ADGRL2: variants seen among roughly 807,000 people sequenced by gnomAD.
The protein encoded by ADGRL2 is adhesion G protein-coupled receptor L2, also known as calcium-independent alpha-latrotoxin receptor 2.
ADGRL2 carries 44 observed loss-of-function variants against 157.4 expected under a neutral mutation model. That is an observed-to-expected ratio of 0.28 (90% CI 0.22 to 0.36). ADGRL2 has a LOEUF of 0.36. Ranked by LOEUF, ADGRL2 falls within the 10% of genes least tolerant of loss-of-function variation. The pLI is 1.00. For synonymous variants in ADGRL2, 585 were observed against 624.7 expected, an observed-to-expected ratio of 0.94 and a Z score of 0.95; for missense variants, 1,510 against 1,768.9, an observed-to-expected ratio of 0.85 and a Z score of 2.63.
At chr1:81,338,049 G>A (rs567341425) in intron 1 of ADGRL2, among the ~76,000 whole-genome samples, 1 of 152,060 alleles carries the variant, frequency 6.6e-6, no homozygotes, top group Non-Finnish European at 1.5e-5. Flanking sequence ...AGCTAAAAGT[G>A]GTATTGACTT....
intron 3 of ADGRL2, among the ~76,000 whole-genome samples, chr1:81,928,826 C>T (rs1024291313): frequency 3.3e-5 from 5 of 151,612 alleles, no homozygotes; most frequent in Non-Finnish European, 7.4e-5. Flanking sequence ...TACATGATAC[C>T]TTGGTACCTT....
chr1:81,542,230 A>T (rs1186589943), intron 2 of ADGRL2, among the ~76,000 whole-genome samples: 1 of 152,204 alleles, frequency 6.6e-6, no homozygotes, highest in Non-Finnish European at 1.5e-5. Context: ...GTGGATGGTA[A>T]CGTGTATATC....
chr1:81,988,882 C>T (rs1434598408), intron 23 of ADGRL2, among the ~76,000 whole-genome samples: 1 of 151,980 alleles, frequency 6.6e-6, no homozygotes, highest in Non-Finnish European at 1.5e-5. Flanking sequence ...TTTTCCTAAA[C>T]TCCTCCAAGC....
chr1:81,514,983 C>T (rs563226433), intron 2 of ADGRL2: 1 of 152,258 alleles, frequency 6.6e-6, no homozygotes, highest in Non-Finnish European at 1.5e-5. Flanking sequence ...GGTATTCCTC[C>T]GTGATTTAAA....
chr1:81,906,319 A>G (rs1241923879), intron 2 of ADGRL2, among the ~76,000 whole-genome samples: 1 of 152,186 alleles, frequency 6.6e-6, no homozygotes, highest in Non-Finnish European at 1.5e-5. Context: ...AAATCATACC[A>G]GTATGTCACC....
intron 1 of ADGRL2, among the ~76,000 whole-genome samples, chr1:81,351,462 A>G (rs2100835922): frequency 6.6e-6 from 1 of 152,280 alleles, no homozygotes; most frequent in South Asian, 2.1e-4. Flanking sequence ...ATGTATTATG[A>G]CAAGGATGAT....
intron 9 of ADGRL2, 55 bp from the exon 10 acceptor site, chr1:81,952,932 C>T: frequency 3.6e-6 from 5 of 1,379,030 alleles, no homozygotes; most frequent in Non-Finnish European, 5.2e-6. Context: ...CTTCTTTCCT[C>T]ATTTTCAGCA....
intron 1 of ADGRL2, among the ~76,000 whole-genome samples, chr1:81,728,118 A>G (rs76480091): frequency 0.016 from 2,407 of 152,120 alleles, 66 homozygotes; most frequent in African/African-American, 0.055. Flanking sequence ...TTTTCTTTTC[A>G]GTTTTGTAGA....
At chr1:81,412,260 C>T (rs538834284) in intron 1 of ADGRL2, among the ~76,000 whole-genome samples, 1 of 152,280 alleles carries the variant, frequency 6.6e-6, no homozygotes, top group Non-Finnish European at 1.5e-5. Flanking sequence ...AACCACCAAG[C>T]TTTATTGCCT....
intron 1 of ADGRL2, among the ~76,000 whole-genome samples, chr1:81,309,696 T>C (rs985402584): frequency 6.6e-6 from 1 of 152,208 alleles, no homozygotes; most frequent in Non-Finnish European, 1.5e-5. Context: ...GAATGGTTAC[T>C]CTTACAGAAC....
chr1:81,362,945 A>G (rs1286183376), intron 1 of ADGRL2, among the ~76,000 whole-genome samples: 1 of 151,988 alleles, frequency 6.6e-6, no homozygotes, highest in Non-Finnish European at 1.5e-5. Context: ...CCTATGGGAC[A>G]TTCTAGCACT....
intron 1 of ADGRL2, among the ~76,000 whole-genome samples, chr1:81,316,335 T>G (rs1203093006): frequency 6.6e-6 from 1 of 152,184 alleles, no homozygotes; most frequent in African/African-American, 2.4e-5. Flanking sequence ...ATAAATGGTT[T>G]GGTGAACAAA....
chr1:81,635,161 C>T (rs1234954816), intron 3 of ADGRL2, among the ~76,000 whole-genome samples: 2 of 152,128 alleles, frequency 1.3e-5, no homozygotes, highest in African/African-American at 4.8e-5. Context: ...GGAAATGAGC[C>T]TCCGTCATCC....
chr1:81,867,999 A>G (rs2093591271), intron 2 of ADGRL2, among the ~76,000 whole-genome samples: 1 of 151,752 alleles, frequency 6.6e-6, no homozygotes, highest in African/African-American at 2.4e-5. Flanking sequence ...GGCACAAATA[A>G]TTATGCCATT....
intron 1 of ADGRL2, among the ~76,000 whole-genome samples, chr1:81,745,884 T>C (rs1434360415): frequency 6.6e-6 from 1 of 152,170 alleles, no homozygotes; most frequent in African/African-American, 2.4e-5. Flanking sequence ...ACTCTTGTGA[T>C]TTTGTCTATC....
At chr1:81,752,168 C>T (rs541903550) in intron 1 of ADGRL2, among the ~76,000 whole-genome samples, 14 of 152,252 alleles carry the variant, frequency 9.2e-5, no homozygotes, top group Admixed American at 7.8e-4. Flanking sequence ...GATCCCACGC[C>T]CCTTCCACCA....
At chr1:81,977,208 C>T (rs1660418105) in intron 17 of ADGRL2, among the ~76,000 whole-genome samples, 1 of 151,782 alleles carries the variant, frequency 6.6e-6, no homozygotes, top group Non-Finnish European at 1.5e-5. Context: ...AGGATTGTAG[C>T]TGTATTTTTC....
chr1:81,578,101 A>G (rs2080831971), intron 2 of ADGRL2, among the ~76,000 whole-genome samples: 1 of 152,212 alleles, frequency 6.6e-6, no homozygotes, highest in Admixed American at 6.5e-5. Flanking sequence ...TTGAAATTGC[A>G]CAGTGACTTA....
intron 15 of ADGRL2, 115 bp from the exon 16 acceptor site, chr1:81,970,199 A>G: frequency 1.3e-6 from 1 of 766,162 alleles, no homozygotes; most frequent in Non-Finnish European, 2.3e-6. Context: ...GTTTACTCTG[A>G]ATAATGTATT....
Sources: allele counts gnomAD v4.1 joint callset (sites outside exome capture counted in the v4.1 genomes callset), GRCh38; gene constraint gnomAD v4.1.1; transcripts MANE v1.5; gene names NCBI Gene and HGNC (gene_info 2026-07-23, HGNC 2026-07-21).